SPMAP2L: variants seen among roughly 807,000 people sequenced by gnomAD.
The protein encoded by SPMAP2L is sperm microtubule associated protein 2 like, also known as sperm microtubule associated protein 2-like.
the SPMAP2L span, chr4:56,595,217 G>T: frequency 1.9e-6 from 3 of 1,611,542 alleles, no homozygotes; most frequent in South Asian, 1.1e-5. Context: ...CTTTTCAGGG[G>T]TGCAAGAGGT....
At chr4:56,585,573 C>A in the SPMAP2L span, among the ~76,000 whole-genome samples, 2 of 152,106 alleles carry the variant, frequency 1.3e-5, no homozygotes, top group African/African-American at 4.8e-5. Flanking sequence ...AATTCCTGGG[C>A]TCAAGCGATC....
At chr4:56,567,534 C>T in the SPMAP2L span, among the ~76,000 whole-genome samples, 1 of 149,570 alleles carries the variant, frequency 6.7e-6, no homozygotes, top group Admixed American at 6.7e-5. Context: ...AAGTGATCCG[C>T]CGCCTCGGCC....
the SPMAP2L span, among the ~76,000 whole-genome samples, chr4:56,585,488 T>A: frequency 4.6e-5 from 7 of 152,262 alleles, no homozygotes; most frequent in East Asian, 1.4e-3. Context: ...GGACTACAGG[T>A]GTCTGCCACC....
chr4:56,539,136 T>C, the SPMAP2L span, among the ~76,000 whole-genome samples: 2 of 151,958 alleles, frequency 1.3e-5, no homozygotes, highest in African/African-American at 4.8e-5. Flanking sequence ...ATTTATAGAG[T>C]CGGTTCTATT....
At chr4:56,583,398 T>C in the SPMAP2L span, among the ~76,000 whole-genome samples, 1 of 152,182 alleles carries the variant, frequency 6.6e-6, no homozygotes, top group Non-Finnish European at 1.5e-5. Flanking sequence ...GTGGTGGTGG[T>C]TGCATATCTT....
the SPMAP2L span, chr4:56,593,276 T>C: frequency 8.4e-7 from 1 of 1,191,076 alleles, no homozygotes; most frequent in East Asian, 2.3e-5. Context: ...GCAGAGGCGC[T>C]GCAGCTGTGC....
the SPMAP2L span, among the ~76,000 whole-genome samples, chr4:56,588,148 C>T: frequency 6.6e-6 from 1 of 152,100 alleles, no homozygotes; most frequent in Admixed American, 6.6e-5. Context: ...TGTCCTTAGC[C>T]CAACTTTTAA....
the SPMAP2L span, among the ~76,000 whole-genome samples, chr4:56,582,409 C>T: frequency 6.6e-6 from 1 of 151,966 alleles, no homozygotes; most frequent in Non-Finnish European, 1.5e-5. Context: ...TAGATGTTTA[C>T]CCCAAAAAGA....
the SPMAP2L span, chr4:56,595,385 C>A: frequency 6.2e-7 from 1 of 1,603,220 alleles, no homozygotes; most frequent in Non-Finnish European, 8.5e-7. Context: ...CCCACTGAGT[C>A]GGAGGACAAG....
At chr4:56,608,099 G>A in the SPMAP2L span, among the ~76,000 whole-genome samples, 3 of 151,806 alleles carry the variant, frequency 2.0e-5, no homozygotes, top group Admixed American at 2.0e-4. Context: ...GGAAACTACA[G>A]AAGTAAGTTA....
the SPMAP2L span, among the ~76,000 whole-genome samples, chr4:56,550,950 C>T: frequency 4.2e-4 from 22 of 51,820 alleles, no homozygotes; most frequent in East Asian, 7.5e-3. Context: ...GAGACTCTAT[C>T]TCTAACAGAA....
chr4:56,604,794 T>A, the SPMAP2L span, among the ~76,000 whole-genome samples: 1 of 152,194 alleles, frequency 6.6e-6, no homozygotes, highest in African/African-American at 2.4e-5. Flanking sequence ...GAGTGTGGTA[T>A]ATGTACACCA....
chr4:56,595,284 T>C, the SPMAP2L span: 1 of 1,612,952 alleles, frequency 6.2e-7, no homozygotes, highest in Non-Finnish European at 8.5e-7. Flanking sequence ...CTGCAAATAT[T>C]GAGGCAGTGG....
At chr4:56,578,571 A>C in the SPMAP2L span, among the ~76,000 whole-genome samples, 1 of 152,164 alleles carries the variant, frequency 6.6e-6, no homozygotes, top group Admixed American at 6.5e-5. Context: ...AATGGATAAA[A>C]ATTCACTCAA....
the SPMAP2L span, among the ~76,000 whole-genome samples, chr4:56,583,813 C>T: frequency 6.8e-3 from 1,041 of 152,088 alleles, 14 homozygotes; most frequent in African/African-American, 0.024. Context: ...TCATTCATAA[C>T]AGATCATAAA....
the SPMAP2L span, among the ~76,000 whole-genome samples, chr4:56,550,019 AT>A: frequency 6.6e-6 from 1 of 152,218 alleles, no homozygotes; most frequent in African/African-American, 2.4e-5. Context: ...TGAAAAGTAA[AT>A]AATACCAGAT....
chr4:56,616,854 C>T, the SPMAP2L span, among the ~76,000 whole-genome samples: 1 of 152,066 alleles, frequency 6.6e-6, no homozygotes, highest in Non-Finnish European at 1.5e-5. Flanking sequence ...GTTCATGTTC[C>T]TTTGTTAATC....
chr4:56,614,617 G>C, the SPMAP2L span, among the ~76,000 whole-genome samples: 3 of 151,942 alleles, frequency 2.0e-5, no homozygotes, highest in African/African-American at 7.3e-5. Flanking sequence ...TCGTGCCACT[G>C]AACTCCAGCC....
chr4:56,581,049 A>G, the SPMAP2L span, among the ~76,000 whole-genome samples: 1 of 152,172 alleles, frequency 6.6e-6, no homozygotes, highest in Non-Finnish European at 1.5e-5. Flanking sequence ...TATTTGAAGT[A>G]CCAAAAATAG....
Sources: allele counts gnomAD v4.1 joint callset (sites outside exome capture counted in the v4.1 genomes callset), GRCh38; gene constraint gnomAD v4.1.1; transcripts MANE v1.5; gene names NCBI Gene and HGNC (gene_info 2026-07-23, HGNC 2026-07-21).